Variants in TEK observed in about 807,000 individuals in gnomAD.
TEK encodes the protein angiopoietin-1 receptor.
Under a neutral mutation model 131.8 loss-of-function variants are expected in TEK, and 43 were observed. The observed-to-expected ratio is 0.33, with a 90% CI of 0.26 to 0.42. The LOEUF (loss-of-function observed/expected upper bound fraction) is 0.42. Ranked by LOEUF, TEK falls within the 10% of genes least tolerant of loss-of-function variation. TEK has a pLI of 1.00. For missense variants in TEK, 1,162 were observed against 1,384.4 expected, an observed-to-expected ratio of 0.84 and a Z score of 2.55; for synonymous variants, 580 against 491.6, an observed-to-expected ratio of 1.18 and a Z score of -2.38.
At chr9:27,211,806 T>C (rs980890439) in intron 16 of TEK, among the ~76,000 whole-genome samples, 8 of 151,668 alleles carry the variant, frequency 5.3e-5, no homozygotes, top group African/African-American at 1.7e-4. Flanking sequence ...AAAAACATGG[T>C]TTGCCCAAAA....
chr9:27,217,657 G>A (rs756883582), intron 18 of TEK, 31 bp from the exon 19 acceptor site: 17 of 1,606,462 alleles, frequency 1.1e-5, no homozygotes, highest in Middle Eastern at 1.6e-4. Context: ...CCCTGTCCCA[G>A]TTAAGTGAAA....
intron 1 of TEK, among the ~76,000 whole-genome samples, chr9:27,123,823 C>A (rs1821889390): frequency 1.3e-5 from 2 of 152,176 alleles, no homozygotes; most frequent in Admixed American, 1.3e-4. Flanking sequence ...GTCACCCAGG[C>A]AAAAGTGCAA....
chr9:27,109,356 C>G lies in TEK; in HGVS notation c.-235C>G, dbSNP rs1056567199. ...GATACCAAATGCCTTTAAGATACAG[C>G]CTTTCCCATCCTAATCTACAAAGGA... is the stretch of plus-strand genomic sequence containing the variant. On this transcript the variant is annotated 5_prime_UTR_variant, in exon 1 of 23. Coordinates refer to ENST00000380036, the MANE Select transcript of TEK (RefSeq NM_000459.5). The G allele has an allele frequency of 5.5e-5, 34 of 614,108 alleles. No homozygotes were observed. The East Asian group carries it at 8.7e-4, about 16-fold the overall frequency. The allele number at this position is 614,108 out of a possible 1,614,324, so 38.0% of individuals were successfully genotyped here. A position where few individuals can be genotyped will look rare whatever the true frequency, so the allele number is the denominator to read the frequency against.
chr9:27,167,167 C>A (rs182161846), intron 2 of TEK, among the ~76,000 whole-genome samples: 5 of 152,314 alleles, frequency 3.3e-5, no homozygotes, highest in Admixed American at 3.3e-4. Context: ...CCAAGGGAAT[C>A]AGTCAATGTT....
intron 1 of TEK, among the ~76,000 whole-genome samples, chr9:27,119,922 C>T (rs1442617733): frequency 6.6e-6 from 1 of 151,868 alleles, no homozygotes; most frequent in African/African-American, 2.4e-5. Flanking sequence ...TGTGGATGCA[C>T]ACGTGTGAGA....
rs1426379249 is a variant in TEK, at chr9:27,190,607, C to T, written c.1406C>T (p.Pro469Leu). ...NFAVINISSEPYFGDGPIKSK... is the reference protein window; with the variant it reads ...NFAVINISSELYFGDGPIKSK... Reference sequence around the variant, plus strand: ...GCTGTCATCAACATCAGCTCTGAGCCTTACTTTGGGGATGGACCAATCAAA... The same window carrying T: ...GCTGTCATCAACATCAGCTCTGAGCTTTACTTTGGGGATGGACCAATCAAA... Residue 469 changes from proline to leucine, a missense_variant, in exon 10 of 23, where the codon CCT becomes CTT. Pro to Leu is a moderately conservative substitution (Grantham distance 98, BLOSUM62 -3). Transcript: ENST00000380036. The T allele has an allele frequency of 7.4e-6, 12 of 1,613,922 alleles. No individual in the cohort carries two copies. Among genetic ancestry groups the T allele is most frequent in the Non-Finnish European group, 1.0e-5 (12 of 1,179,960 alleles).
chr9:27,132,832 A>T (rs1197779368), intron 1 of TEK, among the ~76,000 whole-genome samples: 1 of 152,200 alleles, frequency 6.6e-6, no homozygotes, highest in Non-Finnish European at 1.5e-5. Flanking sequence ...AGAAATCTAT[A>T]TCTATAGCAA....
At position 27,185,634 on chromosome 9, in the gene TEK, G is replaced by A. The variant is rs772763160; in HGVS notation, c.1327+5G>A. 1.9e-6 allele frequency: 3 copies of A among 1,613,566 alleles called. No individual in the cohort carries two copies. The highest frequency in any genetic ancestry group is 3.3e-5 in the Admixed American group (2 of 59,932). On this transcript the variant is annotated splice_donor_5th_base_variant and intron_variant, in intron 9 of 22. Coordinates refer to ENST00000380036, the MANE Select transcript of TEK (RefSeq NM_000459.5). The stretch of plus-strand genomic sequence containing the variant: ...CCTTCAACATTTCTGTTAAAGGTAA[G>A]TTCATTTCCCAGAAAAAGGGATTGT...
At chr9:27,166,691 A>G (rs1217677017) in intron 2 of TEK, among the ~76,000 whole-genome samples, 1 of 152,128 alleles carries the variant, frequency 6.6e-6, no homozygotes, top group African/African-American at 2.4e-5. Flanking sequence ...ATATCCCTTT[A>G]TTCACAATCT....
intron 1 of TEK, among the ~76,000 whole-genome samples, chr9:27,140,569 C>T (rs1030212860): frequency 1.3e-5 from 2 of 151,904 alleles, no homozygotes; most frequent in East Asian, 1.9e-4. Context: ...AACCTCGACT[C>T]CTATAGAATG....
intron 14 of TEK, 41 bp from the exon 15 acceptor site, chr9:27,206,541 A>G: frequency 6.3e-7 from 1 of 1,590,460 alleles, no homozygotes; most frequent in South Asian, 1.1e-5. Context: ...TAGAATTATG[A>G]AAAATCCTGA....
At chr9:27,196,520 C>T (rs1268599042) in intron 11 of TEK, among the ~76,000 whole-genome samples, 1 of 152,122 alleles carries the variant, frequency 6.6e-6, no homozygotes, top group East Asian at 1.9e-4. Context: ...TTAGTCTGTA[C>T]TTGCATTGCT....
At position 27,169,595 on chromosome 9, in the gene TEK, C is replaced by T. The variant is rs1823873424; in HGVS notation, c.594C>T (p.Leu198=). The T allele has an allele frequency of 1.2e-6, 2 of 1,614,036 alleles. No homozygotes were observed. Among genetic ancestry groups the T allele is most frequent in the Admixed American group, 1.7e-5 (1 of 60,008 alleles). The change falls in exon 4 of 23, where the codon CTC becomes CTT. Residue 198 remains leucine, a synonymous_variant. Coordinates refer to ENST00000380036, the MANE Select transcript of TEK (RefSeq NM_000459.5). ...CGGCCAGGTATATAGGAGGAAACCT[C>T]TTCACCTCGGCCTTCACCAGGCTGA... ...VYSARYIGGN[L]FTSAFTRLIV... is the part of the protein sequence containing the mutation.
intron 15 of TEK, among the ~76,000 whole-genome samples, chr9:27,207,504 C>A (rs1010180806): frequency 2.7e-4 from 41 of 152,278 alleles, no homozygotes; most frequent in African/African-American, 9.4e-4. Flanking sequence ...TGTTTGGTAC[C>A]TACCCATCTA....
chr9:27,214,596 C>G (rs576257070), intron 18 of TEK, among the ~76,000 whole-genome samples: 1 of 152,126 alleles, frequency 6.6e-6, no homozygotes, highest in Non-Finnish European at 1.5e-5. Context: ...TAAAACAATA[C>G]TCAAGAACAT....
At chr9:27,174,657 T>A (rs1824096251) in intron 6 of TEK, among the ~76,000 whole-genome samples, 2 of 152,014 alleles carry the variant, frequency 1.3e-5, no homozygotes, top group African/African-American at 4.8e-5. Context: ...AGAGGAGAGT[T>A]ACACAAAAGT....
intron 15 of TEK, among the ~76,000 whole-genome samples, chr9:27,207,725 C>G (rs1825448068): frequency 1.3e-5 from 2 of 152,128 alleles, no homozygotes; most frequent in African/African-American, 4.8e-5. Flanking sequence ...ATCTTAAGAG[C>G]TCTCTAAGGA....
At chr9:27,221,361 GTTCC>G (rs1050645334) in intron 21 of TEK, among the ~76,000 whole-genome samples, 1 of 152,166 alleles carries the variant, frequency 6.6e-6, no homozygotes, top group Non-Finnish European at 1.5e-5. Flanking sequence ...AGACTTAAAC[GTTCC>G]TGCCTGCCAG....
chr9:27,183,793 T>A (rs937395512), intron 8 of TEK, among the ~76,000 whole-genome samples, 183 bp downstream of exon 8: 5 of 152,186 alleles, frequency 3.3e-5, no homozygotes, highest in Non-Finnish European at 5.9e-5. Flanking sequence ...ACTGATTTCT[T>A]CTGTTGGCCA....
Sources: allele counts gnomAD v4.1 joint callset (sites outside exome capture counted in the v4.1 genomes callset), GRCh38; gene constraint gnomAD v4.1.1; transcripts MANE v1.5; gene names NCBI Gene and HGNC (gene_info 2026-07-23, HGNC 2026-07-21).